The following TRPV4 variants were observed in gnomAD, a reference collection of about 807,000 sequenced individuals.
The protein encoded by TRPV4 is transient receptor potential cation channel subfamily V member 4, also known as OSM9-like transient receptor potential channel 4.
In TRPV4, 58 loss-of-function variants were observed where a neutral mutation model predicts 84.1. The ratio of observed to expected loss-of-function variants is 0.69; its 90% CI spans 0.56 to 0.86. The LOEUF (loss-of-function observed/expected upper bound fraction) is 0.86. Among genes scored for constraint, TRPV4 ranks in the 40% least tolerant of loss-of-function variants. The pLI is 0.00. For missense variants in TRPV4, 879 were observed against 1,181.1 expected, an observed-to-expected ratio of 0.74 and a Z score of 3.75; for synonymous variants, 489 against 500.9, an observed-to-expected ratio of 0.98 and a Z score of 0.32.
intron 4 of TRPV4, among the ~76,000 whole-genome samples, chr12:109,801,801 G>T (rs2136546331): frequency 6.6e-6 from 1 of 152,260 alleles, no homozygotes; most frequent in East Asian, 1.9e-4. Context: ...CTGCACTCCA[G>T]CTTGGGTAAC....
chr12:109,824,341 G>C (rs1325417572), intron 1 of TRPV4, among the ~76,000 whole-genome samples: 1 of 152,078 alleles, frequency 6.6e-6, no homozygotes, highest in African/African-American at 2.4e-5. Context: ...GGAGGCTCCA[G>C]GTCCTTCTTC....
chr12:109,796,484 C>G lies in TRPV4; in HGVS notation c.1332+41G>C. On this transcript the variant is annotated intron_variant, in intron 7 of 15. Coordinates refer to ENST00000261740, the MANE Select transcript of TRPV4 (RefSeq NM_021625.5). This position sits in a 1 kb window ranked among gnomAD's most constrained non-coding sequence, Gnocchi z 4.2. Reference sequence around the variant, plus strand: ...GGCCCTGTCCCTACTCCCAGCCCTGCCCCTCCTTCCTCACACCCCATGCCC... The same window carrying G: ...GGCCCTGTCCCTACTCCCAGCCCTGGCCCTCCTTCCTCACACCCCATGCCC... 6.2e-7 allele frequency: 1 copy of G among 1,611,264 alleles called. No individual in the cohort carries two copies. Among genetic ancestry groups the G allele is most frequent in the Non-Finnish European group, 8.5e-7 (1 of 1,178,456 alleles).
At chr12:109,806,950 T>A (rs977674800) in intron 3 of TRPV4, among the ~76,000 whole-genome samples, 3 of 151,476 alleles carry the variant, frequency 2.0e-5, no homozygotes, top group African/African-American at 7.3e-5. Context: ...GTTTGGGAAC[T>A]TAATTTACTT....
intron 6 of TRPV4, among the ~76,000 whole-genome samples, chr12:109,797,940 A>G (rs1419195305): frequency 6.6e-6 from 1 of 152,190 alleles, no homozygotes. Flanking sequence ...AGAAAAGGGA[A>G]ATGAGATGTC....
rs757403927 is a variant in TRPV4 at position 109,794,537 on chromosome 12, G to A, written c.1333-50C>T. ...GCTGCCTTCCTGAGATGGGTGGGGG[G>A]TCCAGGCAGGCTGCCTCGGGTGTGC... On this transcript the variant is annotated intron_variant, in intron 7 of 15. Coordinates refer to ENST00000261740, the MANE Select transcript of TRPV4 (RefSeq NM_021625.5). 1.4e-5 allele frequency: 22 copies of A among 1,604,738 alleles called. No homozygotes were observed. The East Asian group carries it at 1.6e-4, about 11-fold the overall frequency.
rs927502204 is a variant in TRPV4, at chr12:109,783,620, C to T, written c.*1G>A. The T allele has an allele frequency of 4.4e-5, 71 of 1,612,920 alleles. No homozygotes were observed. The highest frequency in any genetic ancestry group is 1.1e-4 in the African/African-American group (8 of 74,928). ...GAGAAGCTGGGGCTGGGCTGCAGTC[C>T]CTAGAGCGGGGCGTCATCAGTCCTC... On this transcript the variant is annotated 3_prime_UTR_variant, in exon 16 of 16. Coordinates refer to ENST00000261740, the MANE Select transcript of TRPV4 (RefSeq NM_021625.5). This position sits in a 1 kb window ranked among gnomAD's most constrained non-coding sequence, Gnocchi z 4.6.
In TRPV4 at chr12:109,815,524, T is replaced by C. The variant is rs1891804318; in HGVS notation, c.-31-697A>G. 6.6e-6 allele frequency among the ~76,000 whole-genome samples: 1 copy of C among 152,162 alleles called. No individual in the cohort carries two copies. The highest frequency in any genetic ancestry group is 1.5e-5 in the Non-Finnish European group (1 of 68,028). On this transcript the variant is annotated intron_variant, in intron 1 of 15. Transcript: ENST00000261740. This position sits in a 1 kb window ranked among gnomAD's most constrained non-coding sequence, Gnocchi z 4.1. ...GACTTCCCCAGTGCACAAACTCTGC[T>C]CCCCAGTGCAAAGTGCTGATCCCTC...
At chr12:109,808,642 A>T (rs1019141304) in intron 2 of TRPV4, among the ~76,000 whole-genome samples, 174 bp from the exon 3 acceptor site, 1 of 152,166 alleles carries the variant, frequency 6.6e-6, no homozygotes, top group Non-Finnish European at 1.5e-5. Context: ...TATCCAACAA[A>T]CTATAGCTAG....
intron 1 of TRPV4, among the ~76,000 whole-genome samples, chr12:109,823,110 G>A (rs567157037): frequency 2.0e-4 from 30 of 152,294 alleles, no homozygotes; most frequent in African/African-American, 7.0e-4. Context: ...CTGCCTGCCA[G>A]GCTACCCCAC....
chr12:109,814,319 G>A lies in TRPV4; in HGVS notation c.386+92C>T, dbSNP rs182009251. On this transcript the variant is annotated intron_variant, in intron 2 of 15. Coordinates refer to ENST00000261740, the MANE Select transcript of TRPV4 (RefSeq NM_021625.5). This position sits in a 1 kb window ranked among gnomAD's most constrained non-coding sequence, Gnocchi z 5.4. The stretch of plus-strand genomic sequence containing the variant: ...CAGATGGATGGATGGATGAATCGAC[G>A]GATGGGTGGATAATAGATAGAGGGG... The A allele has an allele frequency of 9.1e-6, 13 of 1,429,544 alleles. No individual in the cohort carries two copies. In the Admixed American group the frequency reaches 1.5e-4, roughly 17 times the overall value. 88.6% of individuals were successfully genotyped at this position (1,429,544 alleles called of 1,614,324 possible). A position where few individuals can be genotyped will look rare whatever the true frequency, so the allele number is the denominator to read the frequency against.
chr12:109,809,052 A>G (rs1033128317), intron 2 of TRPV4, among the ~76,000 whole-genome samples: 2 of 143,864 alleles, frequency 1.4e-5, no homozygotes, highest in Non-Finnish European at 3.0e-5. Flanking sequence ...CCATCCATCC[A>G]TCCATCACTC....
In TRPV4 at chr12:109,788,430, G is replaced by A. The variant is rs777032419; in HGVS notation, c.2178C>T (p.Ser726=). 6.2e-7 allele frequency: 1 copy of A among 1,614,164 alleles called. No homozygotes were observed. The highest frequency in any genetic ancestry group is 2.2e-5 in the East Asian group (1 of 44,882). ...GCTTCCAGATGTGCTTGCTCTCCTTGGAGACCTGGCCCACTGTCTCGCCCA... is the reference window on the plus strand; with the variant it reads ...GCTTCCAGATGTGCTTGCTCTCCTTAGAGACCTGGCCCACTGTCTCGCCCA... The part of the protein sequence containing the change: ...ALMGETVGQV[S]KESKHIWKLQ... Residue 726 remains serine (S), a synonymous_variant, in exon 13 of 16, where the codon TCC becomes TCT. Transcript: ENST00000261740.
Position 109,808,318 on chromosome 12 carries a change from GC to G in TRPV4, c.536del (p.Arg179ProfsTer2). 3.1e-6 allele frequency: 5 copies of G among 1,614,216 alleles called. No homozygotes were observed. Among genetic ancestry groups the G allele is most frequent in the Non-Finnish European group, 3.4e-6 (4 of 1,180,034 alleles). On this transcript the variant is annotated frameshift_variant, in exon 3 of 16. Transcript: ENST00000261740. LOFTEE classifies it high-confidence loss of function. ...CACCTCGAAACTCCTCATCAGTTAG[GC>G]GTTTCTTGTGGGTCAGCAAGAATGG... Reference protein sequence around the residue: ...LLPFLLTHKKRLTDEEFREPS... With the variant: ...LLPFLLTHKKXLTDEEFREPS...
intron 1 of TRPV4, among the ~76,000 whole-genome samples, chr12:109,816,642 G>T (rs1185718453): frequency 1.3e-5 from 2 of 152,184 alleles, no homozygotes; most frequent in African/African-American, 2.4e-5. Flanking sequence ...GCCAGGCGTG[G>T]TGGCACGTGA....
At chr12:109,794,087 A>G in intron 8 of TRPV4, 65 bp from the exon 9 acceptor site, 1 of 1,383,004 alleles carries the variant, frequency 7.2e-7, no homozygotes, top group South Asian at 1.2e-5. Context: ...CCCAATCCAG[A>G]TGTTCCCCCA....
chr12:109,806,805 G>A (rs1891164972), intron 3 of TRPV4, among the ~76,000 whole-genome samples: 1 of 148,752 alleles, frequency 6.7e-6, no homozygotes, highest in Admixed American at 6.7e-5. Flanking sequence ...AGGCTGCAGG[G>A]AGCTGTGATC....
At chr12:109,827,803 CAT>C (rs1214541469) in intron 1 of TRPV4, among the ~76,000 whole-genome samples, 1 of 151,516 alleles carries the variant, frequency 6.6e-6, no homozygotes, top group Non-Finnish European at 1.5e-5. Flanking sequence ...AACATATAGT[CAT>C]ACATATACAC....
chr12:109,796,822 C>T lies in TRPV4; in HGVS notation c.1153-118G>A, dbSNP rs1890431188. 1.0e-6 allele frequency: 1 copy of T among 993,590 alleles called. No individual in the cohort carries two copies. The highest frequency in any genetic ancestry group is 1.8e-5 in the South Asian group (1 of 56,666). 61.5% of individuals were successfully genotyped at this position (993,590 alleles called of 1,614,324 possible). A position where few individuals can be genotyped will look rare whatever the true frequency, so the allele number is the denominator to read the frequency against. On this transcript the variant is annotated intron_variant, in intron 6 of 15. Transcript: ENST00000261740. This position sits in a 1 kb window ranked among gnomAD's most constrained non-coding sequence, Gnocchi z 4.2. ...GCTAAGCACCGGCTGCTGGAGGACCCTTTCCTCATCTTGTTTAATTCTTGC... is the reference window on the plus strand; with the variant it reads ...GCTAAGCACCGGCTGCTGGAGGACCTTTTCCTCATCTTGTTTAATTCTTGC...
chr12:109,827,845 C>T (rs150775710), intron 1 of TRPV4, among the ~76,000 whole-genome samples: 2 of 151,582 alleles, frequency 1.3e-5, no homozygotes, highest in East Asian at 3.9e-4. Context: ...TATACACATA[C>T]ACATATAGAC....
Sources: gnomAD v4.1 joint callset for allele counts (sites outside exome capture counted in the v4.1 genomes callset) on GRCh38, gnomAD v4.1.1 for gene constraint, Gnocchi (gnomAD v3.1) non-coding constraint, MANE v1.5 for transcripts, NCBI Gene and HGNC (gene_info 2026-07-23, HGNC 2026-07-21) for gene names.